Variants in CDH3 observed in about 807,000 individuals in gnomAD.
CDH3 encodes the protein cadherin 3, also known as cadherin-3.
In CDH3, 54 loss-of-function variants were observed where a neutral mutation model predicts 82.0. The ratio of observed to expected loss-of-function variants is 0.66; its 90% CI spans 0.53 to 0.83. CDH3 has a LOEUF of 0.83. CDH3 is among the 40% of genes least tolerant of loss of function. CDH3 has a pLI of 0.00. For synonymous variants in CDH3, 446 were observed against 437.9 expected, an observed-to-expected ratio of 1.02 and a Z score of -0.23; for missense variants, 1,054 against 1,084.6, an observed-to-expected ratio of 0.97 and a Z score of 0.40.
chr16:68,685,124 A>C (rs1961368431), intron 10 of CDH3, 81 bp from the exon 11 acceptor site: 1 of 1,517,114 alleles, frequency 6.6e-7, no homozygotes, highest in African/African-American at 1.4e-5. Flanking sequence ...GCCATCTGCC[A>C]GTTGGTATGA....
chr16:68,723,666 C>G (rs944793307), intron 2 of CDH3, among the ~76,000 whole-genome samples: 8 of 152,206 alleles, frequency 5.3e-5, no homozygotes, highest in Non-Finnish European at 1.0e-4. Flanking sequence ...CACGGTGGCT[C>G]ACGCCTGTAA....
At chr16:68,648,413 G>A (rs1197674724) in intron 2 of CDH3, among the ~76,000 whole-genome samples, 1 of 151,266 alleles carries the variant, frequency 6.6e-6, no homozygotes, top group African/African-American at 2.4e-5. Context: ...GATCAGCTGG[G>A]ATTTGAATGG....
rs1961977602 is a variant in CDH3, at chr16:68,707,380, G to A, written c.99+11457G>A. On this transcript the variant is annotated intron_variant, in intron 1 of 2. Transcript: ENST00000569080. The surrounding 1 kb of genome is among the most constrained non-coding windows in gnomAD (Gnocchi z 4.5). ...GCCCAGTCCCAGGAGCCCTGAAAAA[G>A]GCCTGACTCAGCTCCATCCCGGGGC... Among the ~76,000 whole-genome samples, 1 of 152,222 alleles carries A rather than the reference G, an allele frequency of 6.6e-6. No homozygotes were observed. The highest frequency in any genetic ancestry group is 1.5e-5 in the Non-Finnish European group (1 of 68,034).
At chr16:68,693,862 G>A (rs576796684) in intron 13 of CDH3, among the ~76,000 whole-genome samples, 13 of 152,196 alleles carry the variant, frequency 8.5e-5, no homozygotes, top group Non-Finnish European at 1.6e-4. Flanking sequence ...GTAGGCATGA[G>A]AGAGAAGGCA....
At position 68,645,378 on chromosome 16, in the gene CDH3, C is replaced by A; in HGVS notation, c.-2C>A. 6.2e-7 allele frequency: 1 copy of A among 1,613,298 alleles called. No individual in the cohort carries two copies. Reference sequence around the variant, plus strand: ...AGCTGCTTCACCCCTCTCTCTGCAGCCATGGGGCTCCCTCGTGGACCTCTC... The same window carrying A: ...AGCTGCTTCACCCCTCTCTCTGCAGACATGGGGCTCCCTCGTGGACCTCTC... On this transcript the variant is annotated 5_prime_UTR_variant, in exon 1 of 16. Coordinates refer to ENST00000264012, the MANE Select transcript of CDH3 (RefSeq NM_001793.6).
chr16:68,666,037 T>C (rs1308687158), intron 2 of CDH3, among the ~76,000 whole-genome samples: 1 of 152,104 alleles, frequency 6.6e-6, no homozygotes, highest in African/African-American at 2.4e-5. Context: ...TTGAAATCAA[T>C]CATCCATTTC....
At chr16:68,654,714 AT>A (rs1193721071) in intron 2 of CDH3, among the ~76,000 whole-genome samples, 7,511 of 82,890 alleles carry the variant, frequency 0.091, 431 homozygotes, top group African/African-American at 0.26. Context: ...AAAAAAAAAA[AT>A]ATATATATAT....
At chr16:68,731,368 CA>C (rs869074059), downstream of CDH3, among the ~76,000 whole-genome samples, 9 of 2,284 alleles carry the variant, frequency 3.9e-3, no homozygotes, top group East Asian at 0.016. Context: ...AACTCCGTCT[CA>C]AAAAAAAAAA....
intron 2 of CDH3, among the ~76,000 whole-genome samples, chr16:68,648,408 G>A (rs1257263160): frequency 6.6e-6 from 1 of 151,552 alleles, no homozygotes; most frequent in African/African-American, 2.4e-5. Context: ...GCAGTGATCA[G>A]CTGGGATTTG....
chr16:68,722,831 C>T (rs1962179159), intron 2 of CDH3, among the ~76,000 whole-genome samples: 1 of 151,982 alleles, frequency 6.6e-6, no homozygotes, highest in South Asian at 2.1e-4. Context: ...TCTTGTTGCT[C>T]AGGCTGGAGT....
chr16:68,655,242 T>C (rs893418174), intron 2 of CDH3, among the ~76,000 whole-genome samples: 2 of 152,058 alleles, frequency 1.3e-5, no homozygotes, highest in African/African-American at 4.8e-5. Context: ...GGCCAACATG[T>C]TCAAATCCAG....
At chr16:68,671,109 A>G (rs1960873434) in intron 2 of CDH3, among the ~76,000 whole-genome samples, 1 of 151,660 alleles carries the variant, frequency 6.6e-6, no homozygotes, top group South Asian at 2.1e-4. Flanking sequence ...CATAAATATT[A>G]TCTATTAATA....
chr16:68,654,124 A>G (rs561567135), intron 2 of CDH3, among the ~76,000 whole-genome samples: 3 of 150,032 alleles, frequency 2.0e-5, no homozygotes, highest in African/African-American at 4.9e-5. Context: ...CAGTGGCACA[A>G]TCTCGGCTCA....
chr16:68,662,368 G>A (rs1276602730), intron 2 of CDH3, among the ~76,000 whole-genome samples: 1 of 152,144 alleles, frequency 6.6e-6, no homozygotes, highest in Non-Finnish European at 1.5e-5. Context: ...AGAGGCAGGA[G>A]GATCACTTGA....
chr16:68,711,607 C>T (rs1008496534), intron 1 of CDH3, among the ~76,000 whole-genome samples: 9 of 152,000 alleles, frequency 5.9e-5, no homozygotes, highest in East Asian at 1.9e-4. Flanking sequence ...GGAGAGGGGA[C>T]GGGGAAGTGG....
chr16:68,662,920 G>A (rs1184500426), intron 2 of CDH3, among the ~76,000 whole-genome samples: 1 of 140,826 alleles, frequency 7.1e-6, no homozygotes, highest in Non-Finnish European at 1.5e-5. Flanking sequence ...CCAGGCTGGA[G>A]TGCAGTGGCG....
chr16:68,701,496 T>A (rs1163833728), downstream of CDH3, among the ~76,000 whole-genome samples: 2 of 152,054 alleles, frequency 1.3e-5, no homozygotes, highest in African/African-American at 4.8e-5. Context: ...GTTTCAACAC[T>A]TTGGTGTGCC....
At chr16:68,674,228 A>G (rs1457551348) in intron 2 of CDH3, among the ~76,000 whole-genome samples, 4 of 152,116 alleles carry the variant, frequency 2.6e-5, no homozygotes, top group African/African-American at 9.7e-5. Context: ...TAGCCATCCT[A>G]GTGCATGTGA....
At chr16:68,719,143 G>A (rs1421854326) in intron 1 of CDH3, among the ~76,000 whole-genome samples, 2 of 151,596 alleles carry the variant, frequency 1.3e-5, no homozygotes, top group African/African-American at 4.8e-5. Flanking sequence ...TTGGGAGGCT[G>A]AGACAGGGAG....
Sources: gnomAD v4.1 joint callset for allele counts (sites outside exome capture counted in the v4.1 genomes callset) on GRCh38, gnomAD v4.1.1 for gene constraint, Gnocchi (gnomAD v3.1) non-coding constraint, MANE v1.5 for transcripts, NCBI Gene and HGNC (gene_info 2026-07-23, HGNC 2026-07-21) for gene names.